DAB1: variants seen among roughly 807,000 people sequenced by gnomAD.
DAB1 encodes disabled homolog 1.
A neutral mutation model predicts 64.6 loss-of-function variants in DAB1; 15 were observed. That is an observed-to-expected ratio of 0.23 (90% CI 0.16 to 0.36). The LOEUF (loss-of-function observed/expected upper bound fraction) is 0.36, where lower values mean the gene tolerates loss of function less well. Among genes scored for constraint, DAB1 ranks in the 10% least tolerant of loss-of-function variants. The pLI, the probability that DAB1 is intolerant of heterozygous loss-of-function variation, is 1.00. For missense variants in DAB1, 596 were observed against 706.7 expected (o/e 0.84, Z 1.78); for synonymous variants, 235 against 251.9 (o/e 0.93, Z 0.64).
intron 5 of DAB1, chr1:58,048,245 T>C: frequency 7.7e-7 from 1 of 1,290,706 alleles, no homozygotes; most frequent in Admixed American, 1.7e-5. Flanking sequence ...GTTTCACAGT[T>C]TGGCAAAGTA....
chr1:57,901,184 A>G (rs74072505), intron 5 of DAB1, among the ~76,000 whole-genome samples: 1,877 of 152,088 alleles, frequency 0.012, 41 homozygotes, highest in African/African-American at 0.043. Context: ...CTATTAAATG[A>G]CCTTCCTTCT....
intron 4 of DAB1, among the ~76,000 whole-genome samples, chr1:58,312,375 C>T (rs1296680185): frequency 6.6e-6 from 1 of 152,182 alleles, no homozygotes; most frequent in Admixed American, 6.6e-5. Context: ...CTCCCATGAA[C>T]CAGATACTAG....
chr1:58,421,765 C>T lies in DAB1; in HGVS notation n.258-78362G>A, dbSNP rs111928980. Among the ~76,000 whole-genome samples the T allele has an allele frequency of 9.9e-3, 1,507 of 152,250 alleles. 27 individuals are homozygous for T. Among genetic ancestry groups the T allele is most frequent in the African/African-American group, 0.035 (1,435 of 41,522 alleles). On this transcript the variant is annotated intron_variant and non_coding_transcript_variant, in intron 3 of 20. Transcript: ENST00000485760. ...AGAGGTGCAGCTTGAGAGTCCTCAG[C>T]ATGCTTAACTTGCAGAAGAGAAGTC...
intron 7 of DAB1, among the ~76,000 whole-genome samples, chr1:57,523,220 C>T (rs1483280725): frequency 6.6e-6 from 1 of 152,254 alleles, no homozygotes; most frequent in African/African-American, 2.4e-5. Flanking sequence ...AACTAGACTC[C>T]TGCCTCTTCT....
chr1:57,789,294 C>T (rs544839814), intron 6 of DAB1, among the ~76,000 whole-genome samples: 7 of 152,128 alleles, frequency 4.6e-5, no homozygotes, highest in South Asian at 4.2e-4. Flanking sequence ...TGGGCCCACG[C>T]GAGAAGAGGT....
chr1:58,222,093 G>C (rs1433451401), intron 4 of DAB1, among the ~76,000 whole-genome samples: 1 of 152,192 alleles, frequency 6.6e-6, no homozygotes, highest in African/African-American at 2.4e-5. Flanking sequence ...ACAAGAGTTA[G>C]AGAGATGGGA....
At chr1:57,444,570 A>T (rs1428589449) in intron 7 of DAB1, among the ~76,000 whole-genome samples, 1 of 152,218 alleles carries the variant, frequency 6.6e-6, no homozygotes, top group Non-Finnish European at 1.5e-5. Flanking sequence ...AGTTAGGATC[A>T]TGAGATGAGG....
chr1:57,516,564 A>T (rs997919741), intron 7 of DAB1, among the ~76,000 whole-genome samples: 1 of 152,162 alleles, frequency 6.6e-6, no homozygotes, highest in Non-Finnish European at 1.5e-5. Context: ...ATAAAACCAT[A>T]TTACTCTGAT....
At chr1:58,177,597 A>G (rs1160737046) in intron 4 of DAB1, among the ~76,000 whole-genome samples, 3 of 152,130 alleles carry the variant, frequency 2.0e-5, no homozygotes, top group Non-Finnish European at 2.9e-5. Flanking sequence ...TGTACTGTAG[A>G]TTTAGGGAGA....
chr1:57,836,960 C>T (rs1652835885), intron 1 of DAB1, among the ~76,000 whole-genome samples: 1 of 152,154 alleles, frequency 6.6e-6, no homozygotes, highest in Non-Finnish European at 1.5e-5. Flanking sequence ...TCTGACTGCT[C>T]AAACCAGAAA....
At chr1:58,543,742 T>A (rs968876223) in intron 1 of DAB1, among the ~76,000 whole-genome samples, 1 of 152,170 alleles carries the variant, frequency 6.6e-6, no homozygotes, top group Non-Finnish European at 1.5e-5. Context: ...CAAAGGGATA[T>A]ACAAATTTAA....
In DAB1 at chr1:57,714,869, G is replaced by A. The variant is rs72912470; in HGVS notation, n.552-65204C>T. Among the ~76,000 whole-genome samples, 326 of 152,160 alleles carry A rather than the reference G, an allele frequency of 2.1e-3. 1 individual carries two copies. The highest frequency in any genetic ancestry group is 7.2e-3 in the African/African-American group (301 of 41,526). On this transcript the variant is annotated intron_variant and non_coding_transcript_variant, in intron 6 of 20. Transcript: ENST00000485760. ...TGATTGGGAAAAGGTGTTGGGGGCT[G>A]GGGAGTGATAAACAAGACTGAAAGA...
At position 58,526,535 on chromosome 1, in the gene DAB1, T is replaced by C. The variant is rs1426093710; in HGVS notation, n.107+726A>G. On this transcript the variant is annotated intron_variant and non_coding_transcript_variant, in intron 2 of 20. Transcript: ENST00000485760. ...TTAAAAATAGCTGCCAGGTGCCCTG[T>C]TAAGTAGACAGGAACAAAGTCAACT... 2.0e-5 allele frequency among the ~76,000 whole-genome samples: 3 copies of C among 150,430 alleles called. No individual in the cohort carries two copies. In the East Asian group the frequency reaches 5.8e-4, roughly 29 times the overall value.
At chr1:57,156,300 T>C (rs2100865090) in intron 2 of DAB1, among the ~76,000 whole-genome samples, 1 of 152,236 alleles carries the variant, frequency 6.6e-6, no homozygotes, top group African/African-American at 2.4e-5. Flanking sequence ...CTCACCTCAT[T>C]TGTGCCCTCT....
At chr1:57,435,146 T>G (rs1685651403) in intron 7 of DAB1, among the ~76,000 whole-genome samples, 1 of 151,102 alleles carries the variant, frequency 6.6e-6, no homozygotes, top group African/African-American at 2.4e-5. Context: ...TCTCCCAGGT[T>G]CAAGTGATTC....
At chr1:57,166,725 C>T (rs751766026) in intron 2 of DAB1, among the ~76,000 whole-genome samples, 2 of 152,108 alleles carry the variant, frequency 1.3e-5, no homozygotes, top group Non-Finnish European at 2.9e-5. Context: ...AAATTCAAGG[C>T]CAGAAAAGCT....
chr1:58,363,306 C>T (rs1312259136), intron 3 of DAB1, among the ~76,000 whole-genome samples: 1 of 152,062 alleles, frequency 6.6e-6, no homozygotes, highest in Non-Finnish European at 1.5e-5. Flanking sequence ...AAATTAAAGA[C>T]TAAGCAGATA....
intron 4 of DAB1, among the ~76,000 whole-genome samples, chr1:58,303,915 T>G (rs898012976): frequency 6.6e-6 from 1 of 152,200 alleles, no homozygotes; most frequent in African/African-American, 2.4e-5. Flanking sequence ...GTTTATTTAT[T>G]TATTTATTTT....
At position 57,476,878 on chromosome 1, in the gene DAB1, G is replaced by T. The variant is rs180984768; in HGVS notation, n.625+172714C>A. 2.4e-3 allele frequency among the ~76,000 whole-genome samples: 372 copies of T among 152,232 alleles called. 4 individuals are homozygous for T. The highest frequency in any genetic ancestry group is 1.0e-3 in the Non-Finnish European group (68 of 68,018). ...CATAGGCTCTGGATTCAGAGGACTT[G>T]GGTTCAAATTCAAGCTTGACCACTT... On this transcript the variant is annotated intron_variant and non_coding_transcript_variant, in intron 7 of 20. Transcript: ENST00000485760.
Sources: allele counts gnomAD v4.1 joint callset (sites outside exome capture counted in the v4.1 genomes callset), GRCh38; gene constraint gnomAD v4.1.1; transcripts MANE v1.5; gene names NCBI Gene and HGNC (gene_info 2026-07-23, HGNC 2026-07-21).